Variants in MRAP2 observed in about 807,000 individuals in gnomAD.
MRAP2 encodes the protein melanocortin-2 receptor accessory protein 2.
In MRAP2, 20 loss-of-function variants were observed where a neutral mutation model predicts 17.4. That is an observed-to-expected ratio of 1.15 (90% confidence interval 0.81 to 1.67). The LOEUF (loss-of-function observed/expected upper bound fraction) is 1.67, where lower values mean the gene tolerates loss of function less well. Ranked by LOEUF, MRAP2 falls within the 40% of genes most tolerant of loss-of-function variation. The pLI is 0.00. For synonymous variants in MRAP2, 96 were observed against 88.4 expected, an observed-to-expected ratio of 1.09 and a Z score of -0.48; for missense variants, 238 against 240.0, an observed-to-expected ratio of 0.99 and a Z score of 0.05.
chr6:84,060,458 T>G (rs2099492825), intron 2 of MRAP2, among the ~76,000 whole-genome samples: 1 of 152,200 alleles, frequency 6.6e-6, no homozygotes, highest in Non-Finnish European at 1.5e-5. Flanking sequence ...TACACAGATT[T>G]GAAAAATGTC....
At chr6:84,058,761 C>T (rs747179432) in intron 2 of MRAP2, among the ~76,000 whole-genome samples, 2 of 152,028 alleles carry the variant, frequency 1.3e-5, no homozygotes, top group Admixed American at 6.6e-5. Flanking sequence ...GAAAACTGGA[C>T]AATTGTGGTT....
the MRAP2 span, among the ~76,000 whole-genome samples, chr6:84,135,323 T>G: frequency 0.044 from 6,688 of 152,236 alleles, 475 homozygotes; most frequent in African/African-American, 0.15. Context: ...AAAAGAGTGA[T>G]TCACCCAGAT....
At chr6:84,067,652 CA>C (rs1421321657) in intron 3 of MRAP2, among the ~76,000 whole-genome samples, 1 of 151,452 alleles carries the variant, frequency 6.6e-6, no homozygotes, top group Admixed American at 6.6e-5. Flanking sequence ...AGCATTTTTT[CA>C]TATATCTGTT....
the MRAP2 span, among the ~76,000 whole-genome samples, chr6:84,098,106 ATCCC>A: frequency 6.6e-6 from 1 of 152,152 alleles, no homozygotes; most frequent in Non-Finnish European, 1.5e-5. Context: ...CCCTTTTATA[ATCCC>A]TCCCTCCCAT....
At chr6:84,034,654 G>A (rs1346351363) in intron 1 of MRAP2, among the ~76,000 whole-genome samples, 1 of 151,972 alleles carries the variant, frequency 6.6e-6, no homozygotes, top group African/African-American at 2.4e-5. Flanking sequence ...CCACTACTCT[G>A]CATTTAGTTT....
In MRAP2 at chr6:84,055,276, A is replaced by G. The variant is rs763518281; in HGVS notation, c.-7-36A>G. ...GTAACTGTGCAGCTCTGGATGAATT[A>G]ACAGGTTCTGCGCTTGACTTTCTCC... On this transcript the variant is annotated intron_variant, in intron 1 of 3. Transcript: ENST00000257776. 1.9e-6 allele frequency: 3 copies of G among 1,586,924 alleles called. No homozygotes were observed. The African/African-American group carries it at 4.1e-5, about 22-fold the overall frequency.
At chr6:84,041,745 T>C (rs1325444007) in intron 1 of MRAP2, among the ~76,000 whole-genome samples, 1 of 152,262 alleles carries the variant, frequency 6.6e-6, no homozygotes, top group Non-Finnish European at 1.5e-5. Context: ...TTTCTCCCAT[T>C]TGGAACAGTT....
chr6:84,036,527 C>T (rs2099486029), intron 1 of MRAP2, among the ~76,000 whole-genome samples: 2 of 152,046 alleles, frequency 1.3e-5, no homozygotes, highest in Non-Finnish European at 2.9e-5. Flanking sequence ...GGTTTGTGGT[C>T]TCGCTGGCTT....
downstream of MRAP2, among the ~76,000 whole-genome samples, chr6:84,091,553 G>A (rs772899906): frequency 6.6e-6 from 1 of 151,976 alleles, no homozygotes; most frequent in Non-Finnish European, 1.5e-5. Flanking sequence ...TCTAATATGA[G>A]TATGATTATT....
At chr6:84,125,114 C>CA in the MRAP2 span, 4 of 1,613,288 alleles carry the variant, frequency 2.5e-6, no homozygotes, top group Admixed American at 5.0e-5. Flanking sequence ...GCAACTGGCA[C>CA]AACCACTCCT....
chr6:84,091,766 A>C (rs977352336), downstream of MRAP2, among the ~76,000 whole-genome samples: 4 of 152,182 alleles, frequency 2.6e-5, no homozygotes, highest in African/African-American at 7.2e-5. Flanking sequence ...CCCTTCTGCA[A>C]ATCAGCTTGC....
chr6:84,045,178 C>G (rs1034868839), intron 1 of MRAP2: 9 of 983,968 alleles, frequency 9.1e-6, no homozygotes, highest in Middle Eastern at 5.2e-4. Flanking sequence ...ACCAAGCCCC[C>G]ACAGATGCTA....
chr6:84,072,974 T>G (rs2099496577), intron 3 of MRAP2, among the ~76,000 whole-genome samples: 1 of 152,164 alleles, frequency 6.6e-6, no homozygotes, highest in African/African-American at 2.4e-5. Flanking sequence ...GCAGCCAGAC[T>G]TGAGAACTTG....
chr6:84,070,601 G>T (rs919415742), intron 3 of MRAP2, among the ~76,000 whole-genome samples: 2 of 152,196 alleles, frequency 1.3e-5, no homozygotes, highest in Non-Finnish European at 2.9e-5. Flanking sequence ...GAATATATTT[G>T]TAAAGTCCAT....
intron 3 of MRAP2, 134 bp from the exon 4 acceptor site, chr6:84,088,957 A>C (rs2099501146): frequency 1.1e-6 from 1 of 909,868 alleles, no homozygotes; most frequent in Admixed American, 2.7e-5. Flanking sequence ...GTTTGTCTGC[A>C]TGCCATGCAA....
chr6:84,089,001 G>A (rs2099501164), intron 3 of MRAP2, 90 bp from the exon 4 acceptor site: 2 of 1,430,674 alleles, frequency 1.4e-6, no homozygotes, highest in South Asian at 2.8e-5. Flanking sequence ...TAGTGGAAAT[G>A]TGCTGGCCTG....
In MRAP2 at chr6:84,062,952, G is replaced by A. The variant is rs1386487987; in HGVS notation, c.187G>A (p.Val63Met). 6.2e-7 allele frequency: 1 copy of A among 1,614,096 alleles called. No individual in the cohort carries two copies. Among genetic ancestry groups the A allele is most frequent in the Non-Finnish European group, 8.5e-7 (1 of 1,180,014 alleles). Residue 63 changes from valine to methionine, a missense_variant, in exon 3 of 4, where the codon GTG becomes ATG. By Grantham distance (21) the Val-to-Met change is conservative. Transcript: ENST00000257776. ...AGTCTTCGTGATTTTTATGTTTTTT[G>A]TGCTGACCTTGCTGACCAAGACAGG... is the stretch of plus-strand genomic sequence containing the variant. The part of the protein sequence containing the change: ...LAVFVIFMFF[V>M]LTLLTKTGAP...
At chr6:84,123,954 C>A in the MRAP2 span, among the ~76,000 whole-genome samples, 1 of 151,982 alleles carries the variant, frequency 6.6e-6, no homozygotes, top group Non-Finnish European at 1.5e-5. Flanking sequence ...CCAACAAACA[C>A]GTGAAAAAGT....
At chr6:84,140,176 G>A in the MRAP2 span, among the ~76,000 whole-genome samples, 279 of 152,298 alleles carry the variant, frequency 1.8e-3, no homozygotes, top group African/African-American at 5.1e-3. Context: ...GTGACAAGTG[G>A]TGTTCTCTTT....
Sources: gnomAD v4.1 joint callset for allele counts (sites outside exome capture counted in the v4.1 genomes callset) on GRCh38, gnomAD v4.1.1 for gene constraint, MANE v1.5 for transcripts, NCBI Gene and HGNC (gene_info 2026-07-23, HGNC 2026-07-21) for gene names.